Variants in PIBF1 observed in about 807,000 individuals in gnomAD.
PIBF1 encodes progesterone immunomodulatory binding factor 1.
PIBF1 carries 90 observed loss-of-function variants against 112.5 expected under a neutral mutation model. That is an observed-to-expected ratio of 0.80 (90% CI 0.67 to 0.95). The LOEUF (loss-of-function observed/expected upper bound fraction) is 0.95. Ranked by LOEUF, PIBF1 falls within the 40% of genes least tolerant of loss-of-function variation. PIBF1 has a pLI of 0.00. For missense variants in PIBF1, 915 were observed against 852.3 expected (o/e 1.07, Z -0.92); for synonymous variants, 301 against 288.6 (o/e 1.04, Z -0.44).
At position 72,922,606 on chromosome 13, in the gene PIBF1, A is replaced by G. The variant is rs79055676; in HGVS notation, c.1730+5440A>G. 8.0e-3 allele frequency among the ~76,000 whole-genome samples: 1,221 copies of G among 152,260 alleles called. 14 individuals are homozygous for G. The highest frequency in any genetic ancestry group is 0.028 in the African/African-American group (1,148 of 41,554). On this transcript the variant is annotated intron_variant, in intron 13 of 17. Coordinates refer to ENST00000326291, the MANE Select transcript of PIBF1 (RefSeq NM_006346.4). Reference sequence around the variant, plus strand: ...TCAAATTGTGAGATTACTGCGTACTATAGTTTCTCTCGTTTTATAAAAAGC... The same window carrying G: ...TCAAATTGTGAGATTACTGCGTACTGTAGTTTCTCTCGTTTTATAAAAAGC...
At chr13:72,862,720 C>T (rs2038748172) in intron 10 of PIBF1, among the ~76,000 whole-genome samples, 1 of 152,092 alleles carries the variant, frequency 6.6e-6, no homozygotes, top group South Asian at 2.1e-4. Context: ...GAGAAGGAAT[C>T]AGTCATGTGA....
intron 16 of PIBF1, among the ~76,000 whole-genome samples, chr13:72,988,033 T>C (rs2043362703): frequency 6.6e-6 from 1 of 151,578 alleles, no homozygotes; most frequent in South Asian, 2.1e-4. Flanking sequence ...CGGCTAATTT[T>C]TGTATTTTTA....
At position 72,844,789 on chromosome 13, in the gene PIBF1, A is replaced by ACACACACG. The variant is rs1555296220; in HGVS notation, c.1224-9261_1224-9260insGCACACAC. Among the ~76,000 whole-genome samples, 812 of 119,620 alleles carry ACACACACG rather than the reference A, an allele frequency of 6.8e-3. 99 individuals are homozygous for ACACACACG. Among genetic ancestry groups the ACACACACG allele is most frequent in the African/African-American group, 0.026 (697 of 26,312 alleles). 78.5% of individuals were successfully genotyped at this position (119,620 alleles called of 152,430 possible). ...CACACACACACACACACACACACAC[A>ACACACACG]CACACACACACGGATGAAGTCTTAC... On this transcript the variant is annotated intron_variant, in intron 9 of 17. Coordinates refer to ENST00000326291, the MANE Select transcript of PIBF1 (RefSeq NM_006346.4).
At chr13:72,822,514 C>A (rs1382694485) in intron 6 of PIBF1, among the ~76,000 whole-genome samples, 1 of 152,008 alleles carries the variant, frequency 6.6e-6, no homozygotes, top group African/African-American at 2.4e-5. Flanking sequence ...TCATTCTGAG[C>A]CTAAGTTTCA....
At chr13:72,871,380 A>G (rs544772750) in intron 10 of PIBF1, among the ~76,000 whole-genome samples, 1 of 152,088 alleles carries the variant, frequency 6.6e-6, no homozygotes, top group African/African-American at 2.4e-5. Flanking sequence ...ATCTTGGCTC[A>G]CTGCAACCTC....
chr13:72,885,543 A>G (rs2039816953), intron 10 of PIBF1, among the ~76,000 whole-genome samples: 1 of 152,162 alleles, frequency 6.6e-6, no homozygotes, highest in South Asian at 2.1e-4. Context: ...AGAGCTTATA[A>G]TATGCCAGAA....
chr13:72,960,925 A>G (rs1594275692), intron 14 of PIBF1, among the ~76,000 whole-genome samples: 2 of 152,232 alleles, frequency 1.3e-5, no homozygotes, highest in East Asian at 3.9e-4. Context: ...TAAAACCCAA[A>G]CTATAGAAGC....
At chr13:72,836,455 CTCAAT>C (rs771129007) in intron 9 of PIBF1, among the ~76,000 whole-genome samples, 16 of 151,972 alleles carry the variant, frequency 1.1e-4, no homozygotes, top group Non-Finnish European at 2.1e-4. Flanking sequence ...ATGTCCACCC[CTCAAT>C]TCCAGGAAAA....
At chr13:73,002,826 A>T (rs2043913376) in intron 17 of PIBF1, among the ~76,000 whole-genome samples, 1 of 151,984 alleles carries the variant, frequency 6.6e-6, no homozygotes, top group African/African-American at 2.4e-5. Flanking sequence ...TCTACTAAAA[A>T]TACCAAAATT....
chr13:72,987,849 TATTTATTTA>T lies in PIBF1; in HGVS notation c.2050-10972_2050-10964del, dbSNP rs1361728526. 2.7e-3 allele frequency among the ~76,000 whole-genome samples: 226 copies of T among 85,174 alleles called. 1 individual carries two copies. The highest frequency in any genetic ancestry group is 0.013 in the Middle Eastern group (2 of 160). 55.9% of individuals were successfully genotyped at this position (85,174 alleles called of 152,430 possible). A position where few individuals can be genotyped will look rare whatever the true frequency, so the allele number is the denominator to read the frequency against. On this transcript the variant is annotated intron_variant, in intron 16 of 17. Transcript: ENST00000326291. ...TTTTATTTTTTGTAATTTATTTATT[TATTTATTTA>T]TTTTTTTTTTTTTTTTTTTTTTTGA... is the stretch of plus-strand genomic sequence containing the variant.
intron 10 of PIBF1, among the ~76,000 whole-genome samples, chr13:72,856,401 T>C (rs1366966686): frequency 1.3e-5 from 2 of 152,170 alleles, no homozygotes; most frequent in African/African-American, 4.8e-5. Context: ...TTCTTTGAAG[T>C]CATAGTAAAG....
chr13:72,811,591 G>A (rs551312205), intron 5 of PIBF1, among the ~76,000 whole-genome samples: 34 of 62,986 alleles, frequency 5.4e-4, no homozygotes, highest in South Asian at 3.8e-3. Flanking sequence ...ACAAAACTCC[G>A]TCTCAAAAAA....
intron 12 of PIBF1, among the ~76,000 whole-genome samples, chr13:72,915,927 C>A (rs1055601915): frequency 3.3e-5 from 5 of 152,202 alleles, no homozygotes; most frequent in Admixed American, 2.0e-4. Flanking sequence ...TGTTTTAATT[C>A]TGAAATATTC....
chr13:72,940,771 A>G (rs73524247), intron 14 of PIBF1, among the ~76,000 whole-genome samples: 1,611 of 152,280 alleles, frequency 0.011, 30 homozygotes, highest in African/African-American at 0.035. Context: ...TGAGTATTCC[A>G]TGTCCTGTAA....
intron 2 of PIBF1, among the ~76,000 whole-genome samples, chr13:72,786,630 C>T (rs2034609899): frequency 6.6e-6 from 1 of 152,182 alleles, no homozygotes; most frequent in South Asian, 2.1e-4. Context: ...CCTCCAGCTC[C>T]TTGCAACACA....
At chr13:72,785,033 C>G (rs990652861) in intron 2 of PIBF1, among the ~76,000 whole-genome samples, 20 of 152,130 alleles carry the variant, frequency 1.3e-4, no homozygotes, top group Admixed American at 1.2e-3. Context: ...CCACCATGCC[C>G]AGCTAGCTCT....
rs117239633 is a variant in PIBF1, at chr13:72,869,822, T to A, written c.1322+15667T>A. Among the ~76,000 whole-genome samples, 457 of 150,862 alleles carry A rather than the reference T, an allele frequency of 3.0e-3. 3 individuals are homozygous for A. Among genetic ancestry groups the A allele is most frequent in the African/African-American group, 0.01 (426 of 40,776 alleles). On this transcript the variant is annotated intron_variant, in intron 10 of 17. Coordinates refer to ENST00000326291, the MANE Select transcript of PIBF1 (RefSeq NM_006346.4). ...CCCCCCACCTCCACACACACACACA[T>A]ATATATATATCTTTAATGATAGAGA...
intron 14 of PIBF1, among the ~76,000 whole-genome samples, chr13:72,947,882 C>G (rs1303074393): frequency 6.6e-6 from 1 of 152,176 alleles, no homozygotes; most frequent in Non-Finnish European, 1.5e-5. Context: ...GAGGCACATA[C>G]ACCATGGAAT....
At chr13:72,995,136 C>A (rs1174935251) in intron 16 of PIBF1, among the ~76,000 whole-genome samples, 1 of 151,092 alleles carries the variant, frequency 6.6e-6, no homozygotes, top group Non-Finnish European at 1.5e-5. Flanking sequence ...CCCGTCTCTA[C>A]TAAAAATAAC....
Sources: allele counts gnomAD v4.1 joint callset (sites outside exome capture counted in the v4.1 genomes callset), GRCh38; gene constraint gnomAD v4.1.1; transcripts MANE v1.5; gene names NCBI Gene and HGNC (gene_info 2026-07-23, HGNC 2026-07-21).